The following RAPGEF2 variants were observed in gnomAD, a reference collection of about 807,000 sequenced individuals.
RAPGEF2 encodes the protein PDZ domain containing guanine nucleotide exchange factor (GEF) 1.
Under a neutral mutation model 186.7 loss-of-function variants are expected in RAPGEF2, and 54 were observed. That is an observed-to-expected ratio of 0.29 (90% CI 0.23 to 0.36). The LOEUF is 0.36. Ranked by LOEUF, RAPGEF2 falls within the 10% of genes least tolerant of loss-of-function variation. The pLI, the probability that RAPGEF2 is intolerant of heterozygous loss-of-function variation, is 1.00. For synonymous variants in RAPGEF2, 712 were observed against 705.9 expected (o/e 1.01, Z -0.14); for missense variants, 1,532 against 2,045.0 (o/e 0.75, Z 4.84).
intron 1 of RAPGEF2, among the ~76,000 whole-genome samples, chr4:159,121,544 T>C (rs550959446): frequency 6.6e-6 from 1 of 152,174 alleles, no homozygotes; most frequent in South Asian, 2.1e-4. Flanking sequence ...ATTTTTAATT[T>C]TTTTTGTGGA....
chr4:159,352,665 C>A lies in RAPGEF2; in HGVS notation c.3866-20C>A. On this transcript the variant is annotated intron_variant, in intron 26 of 29. Transcript: ENST00000691494. ...ATAAACCTAGAGAGTCTAATTAATA[C>A]GGTTGTATTTCTCATGCAGGCTATA... 6.4e-7 allele frequency: 1 copy of A among 1,567,166 alleles called. No homozygotes were observed. Among genetic ancestry groups the A allele is most frequent in the African/African-American group, 1.4e-5 (1 of 73,980 alleles).
chr4:159,354,114 T>TA, intron 28 of RAPGEF2, 68 bp downstream of exon 28: 3 of 1,394,816 alleles, frequency 2.2e-6, no homozygotes, highest in Non-Finnish European at 2.9e-6. Flanking sequence ...ATTACAATAG[T>TA]AAAATTATGT....
intron 2 of RAPGEF2, among the ~76,000 whole-genome samples, chr4:159,187,902 C>T (rs1438569425): frequency 6.6e-6 from 1 of 152,118 alleles, no homozygotes. Flanking sequence ...AATTTGTGAG[C>T]ATGTCAATTC....
chr4:159,296,899 T>A (rs1454427620), intron 7 of RAPGEF2, among the ~76,000 whole-genome samples: 2 of 152,224 alleles, frequency 1.3e-5, no homozygotes, highest in South Asian at 2.1e-4. Flanking sequence ...AAAACCCTCC[T>A]AAAAGTATTT....
chr4:159,202,944 T>C (rs1369653078), intron 3 of RAPGEF2, among the ~76,000 whole-genome samples: 1 of 152,232 alleles, frequency 6.6e-6, no homozygotes, highest in African/African-American at 2.4e-5. Context: ...CACTTAAGTT[T>C]TCACATTGTA....
intron 1 of RAPGEF2, among the ~76,000 whole-genome samples, chr4:159,131,774 A>ATTT (rs1491437755): frequency 2.0e-5 from 3 of 151,524 alleles, no homozygotes; most frequent in African/African-American, 7.3e-5. Flanking sequence ...TGTCAGAAAC[A>ATTT]AAGACTTGGC....
Position 159,116,531 on chromosome 4 carries a change from T to C in RAPGEF2, c.69+12300T>C, listed in dbSNP as rs377728992. ...CCTCAAAGACCTAGAACCAGAAATA[T>C]CATTTGACCCAGCAATCCCATTACT... On this transcript the variant is annotated intron_variant, in intron 1 of 29. Transcript: ENST00000691494. Among the ~76,000 whole-genome samples the C allele has an allele frequency of 1.8e-4, 28 of 152,260 alleles. No homozygotes were observed. In the East Asian group the frequency reaches 2.1e-3, roughly 12 times the overall value.
chr4:159,279,637 G>T (rs961191831), intron 7 of RAPGEF2, among the ~76,000 whole-genome samples: 2 of 151,904 alleles, frequency 1.3e-5, no homozygotes, highest in African/African-American at 4.8e-5. Context: ...TTGTTTTGAA[G>T]AACTACTCTT....
intron 1 of RAPGEF2, among the ~76,000 whole-genome samples, chr4:159,183,057 C>T (rs771410831): frequency 3.3e-5 from 5 of 152,030 alleles, no homozygotes; most frequent in African/African-American, 9.7e-5. Context: ...TTGCATATAC[C>T]GACAAGCTAA....
At chr4:159,304,510 C>A in intron 8 of RAPGEF2, 37 bp downstream of exon 8, 1 of 1,556,304 alleles carries the variant, frequency 6.4e-7, no homozygotes, top group Non-Finnish European at 8.8e-7. Flanking sequence ...GCTTCATTTT[C>A]ATTTATTCCA....
At chr4:159,213,192 C>T (rs139500635) in intron 4 of RAPGEF2, among the ~76,000 whole-genome samples, 4 of 152,166 alleles carry the variant, frequency 2.6e-5, no homozygotes, top group African/African-American at 9.6e-5. Context: ...GGGGATGTTG[C>T]CTTAGGAATA....
At chr4:159,224,657 C>T (rs766072917) in intron 4 of RAPGEF2, among the ~76,000 whole-genome samples, 1 of 152,062 alleles carries the variant, frequency 6.6e-6, no homozygotes, top group African/African-American at 2.4e-5. Context: ...TAATCAGATT[C>T]GAACAGAGAG....
intron 3 of RAPGEF2, among the ~76,000 whole-genome samples, chr4:159,201,201 A>G (rs1749371506): frequency 6.6e-6 from 1 of 152,246 alleles, no homozygotes; most frequent in Non-Finnish European, 1.5e-5. Flanking sequence ...TCAGCGCTCC[A>G]TCAGAGGAGT....
At chr4:159,335,984 G>T (rs1767363371) in intron 17 of RAPGEF2, among the ~76,000 whole-genome samples, 2 of 151,990 alleles carry the variant, frequency 1.3e-5, no homozygotes, top group African/African-American at 2.4e-5. Context: ...CAGGTTTTTG[G>T]CAGAGACTGC....
chr4:159,324,605 A>G (rs914153768), intron 11 of RAPGEF2, among the ~76,000 whole-genome samples: 8 of 152,214 alleles, frequency 5.3e-5, no homozygotes, highest in African/African-American at 1.9e-4. Flanking sequence ...TGATTTTAGA[A>G]GAGTCATGGA....
chr4:159,294,973 G>A (rs765905469), intron 7 of RAPGEF2, among the ~76,000 whole-genome samples: 12 of 152,266 alleles, frequency 7.9e-5, no homozygotes, highest in South Asian at 4.1e-4. Flanking sequence ...GATTACTGGC[G>A]TGAGCCATCG....
chr4:159,299,767 CATTAG>C (rs1222091139), intron 7 of RAPGEF2, among the ~76,000 whole-genome samples: 1 of 151,716 alleles, frequency 6.6e-6, no homozygotes, highest in Non-Finnish European at 1.5e-5. Flanking sequence ...AAATGCCAAC[CATTAG>C]ATTAATCAGT....
chr4:159,343,938 C>T (rs1214510532), intron 22 of RAPGEF2, 98 bp from the exon 23 acceptor site: 3 of 1,252,962 alleles, frequency 2.4e-6, no homozygotes, highest in Admixed American at 1.7e-5. Context: ...GCTTCTAGAA[C>T]TGCTTATCCA....
At chr4:159,263,376 A>G (rs2089979693) in intron 7 of RAPGEF2, among the ~76,000 whole-genome samples, 1 of 152,208 alleles carries the variant, frequency 6.6e-6, no homozygotes, top group African/African-American at 2.4e-5. Flanking sequence ...TATAGAAAAT[A>G]GCATTTTAAA....
Sources: gnomAD v4.1 joint callset for allele counts (sites outside exome capture counted in the v4.1 genomes callset) on GRCh38, gnomAD v4.1.1 for gene constraint, MANE v1.5 for transcripts, NCBI Gene and HGNC (gene_info 2026-07-23, HGNC 2026-07-21) for gene names.